KIAA1958: variants seen among roughly 807,000 people sequenced by gnomAD.
KIAA1958 encodes KIAA1958, also known as uncharacterized protein KIAA1958.
In KIAA1958, 14 loss-of-function variants were observed where a neutral mutation model predicts 47.2. The observed-to-expected ratio is 0.30, with a 90% CI of 0.20 to 0.46. KIAA1958 has a LOEUF of 0.46. Ranked by LOEUF, KIAA1958 falls within the 20% of genes least tolerant of loss-of-function variation. The pLI, the probability that KIAA1958 is intolerant of heterozygous loss-of-function variation, is 1.00. For missense variants in KIAA1958, 803 were observed against 909.2 expected (o/e 0.88, Z 1.50); for synonymous variants, 354 against 353.3 (o/e 1.00, Z -0.02).
chr9:112,509,160 T>TAAA (rs1474611852), intron 1 of KIAA1958, among the ~76,000 whole-genome samples: 1 of 151,742 alleles, frequency 6.6e-6, no homozygotes, highest in Non-Finnish European at 1.5e-5. Flanking sequence ...TTGAGACATT[T>TAAA]AAAATAAGCA....
intron 3 of KIAA1958, among the ~76,000 whole-genome samples, chr9:112,658,540 C>T (rs953671540): frequency 6.6e-6 from 1 of 152,160 alleles, no homozygotes; most frequent in African/African-American, 2.4e-5. Flanking sequence ...TATTTGCAGA[C>T]ACACATGTAT....
intron 2 of KIAA1958, among the ~76,000 whole-genome samples, chr9:112,611,390 A>G (rs1836324374): frequency 1.3e-5 from 2 of 152,184 alleles, no homozygotes; most frequent in African/African-American, 4.8e-5. Flanking sequence ...TTGGTTGGGT[A>G]CAATACAAAT....
At chr9:112,558,710 C>CT (rs1396082248) in intron 1 of KIAA1958, among the ~76,000 whole-genome samples, 1 of 152,166 alleles carries the variant, frequency 6.6e-6, no homozygotes, top group Non-Finnish European at 1.5e-5. Context: ...AATTATACCA[C>CT]TTTCAGCACT....
rs1837373538 is a variant in KIAA1958, at chr9:112,667,973, C to T, written c.*7904C>T. 1 of 122,874 alleles carries T rather than the reference C, an allele frequency of 8.1e-6. No homozygotes were observed. Among genetic ancestry groups the T allele is most frequent in the Admixed American group, 8.1e-5 (1 of 12,388 alleles). The allele number at this position is 122,874 out of a possible 1,614,324, so 7.6% of individuals were successfully genotyped here. A position where few individuals can be genotyped will look rare whatever the true frequency, so the allele number is the denominator to read the frequency against. The stretch of plus-strand genomic sequence containing the variant: ...GCTAGAAGCTACATATCTAAAAGCA[C>T]CCGAAGTCCTCATATGAATAGGCTA... On this transcript the variant is annotated 3_prime_UTR_variant, in exon 4 of 4. Transcript: ENST00000337530.
intron 1 of KIAA1958, among the ~76,000 whole-genome samples, chr9:112,570,397 G>T (rs1835511586): frequency 6.6e-6 from 1 of 152,166 alleles, no homozygotes; most frequent in African/African-American, 2.4e-5. Flanking sequence ...TGTGATCTTT[G>T]AAACACTTGC....
chr9:112,661,392 CAAT>C lies in KIAA1958; in HGVS notation c.*1327_*1329del, dbSNP rs1254756677. Reference sequence around the variant, plus strand: ...CTCAAAGAGTGCTCATTAAGAGTAACAATAATTTCTAGGGACCTTGACTTTGCA... The same window carrying C: ...CTCAAAGAGTGCTCATTAAGAGTAACAATTTCTAGGGACCTTGACTTTGCA... On this transcript the variant is annotated 3_prime_UTR_variant, in exon 4 of 4. Coordinates refer to ENST00000337530, the MANE Select transcript of KIAA1958 (RefSeq NM_133465.4). The C allele has an allele frequency of 6.6e-6, 1 of 152,132 alleles. No homozygotes were observed. Among genetic ancestry groups the C allele is most frequent in the Admixed American group, 6.6e-5 (1 of 15,264 alleles). 9.4% of individuals were successfully genotyped at this position (152,132 alleles called of 1,614,324 possible). A position where few individuals can be genotyped will look rare whatever the true frequency, so the allele number is the denominator to read the frequency against.
chr9:112,650,439 GA>G (rs1004961477), intron 3 of KIAA1958, among the ~76,000 whole-genome samples: 1 of 152,178 alleles, frequency 6.6e-6, no homozygotes, highest in Non-Finnish European at 1.5e-5. Flanking sequence ...GTGGATGAAT[GA>G]AAGGGTAGTG....
At chr9:112,550,166 GGC>G (rs775141174) in intron 1 of KIAA1958, among the ~76,000 whole-genome samples, 7 of 151,054 alleles carry the variant, frequency 4.6e-5, no homozygotes, top group African/African-American at 7.4e-5. Flanking sequence ...TCTTCTCTTT[GGC>G]TGTTTGGAGC....
At chr9:112,585,894 A>T (rs1325690970) in intron 2 of KIAA1958, among the ~76,000 whole-genome samples, 2 of 152,226 alleles carry the variant, frequency 1.3e-5, no homozygotes, top group East Asian at 3.8e-4. Context: ...CAGTTTGAAG[A>T]GTTTTGAAGC....
In KIAA1958 at chr9:112,654,147, CT is replaced by C. The variant is rs1157257592; in HGVS notation, c.1345-5114del. 2.0e-5 allele frequency among the ~76,000 whole-genome samples: 3 copies of C among 152,266 alleles called. No homozygotes were observed. In the East Asian group the frequency reaches 5.8e-4, roughly 29 times the overall value. ...TACTGTCAGAAGCAGATTGTGAAGA[CT>C]TGCACACAAAGTAAACAGTTTGGAA... is the stretch of plus-strand genomic sequence containing the variant. On this transcript the variant is annotated intron_variant, in intron 3 of 3. Transcript: ENST00000337530.
At position 112,574,923 on chromosome 9, in the gene KIAA1958, C is replaced by T. The variant is rs1281028232; in HGVS notation, c.843C>T (p.Val281=). 6.2e-7 allele frequency: 1 copy of T among 1,614,028 alleles called. No homozygotes were observed. The highest frequency in any genetic ancestry group is 8.5e-7 in the Non-Finnish European group (1 of 1,179,970). ...ASPSVISRPI[V]QKTARVSLAS... Reference sequence around the variant, plus strand: ...CCTCTGTGATCTCCAGACCAATTGTCCAGAAGACTGCTAGGGTATCTCTGG... The same window carrying T: ...CCTCTGTGATCTCCAGACCAATTGTTCAGAAGACTGCTAGGGTATCTCTGG... The change falls in exon 2 of 4, where the codon GTC becomes GTT. Residue 281 remains valine, a synonymous_variant. Coordinates refer to ENST00000337530, the MANE Select transcript of KIAA1958 (RefSeq NM_133465.4).
At chr9:112,653,672 G>A (rs904398395) in intron 3 of KIAA1958, among the ~76,000 whole-genome samples, 8 of 152,230 alleles carry the variant, frequency 5.3e-5, no homozygotes, top group African/African-American at 1.9e-4. Flanking sequence ...AGGCCAAGGC[G>A]GGCGGATCAC....
At chr9:112,590,030 G>C (rs1400591234) in intron 2 of KIAA1958, among the ~76,000 whole-genome samples, 1 of 152,148 alleles carries the variant, frequency 6.6e-6, no homozygotes, top group East Asian at 1.9e-4. Context: ...ACAGATGACT[G>C]GCTTCCACCT....
intron 2 of KIAA1958, among the ~76,000 whole-genome samples, chr9:112,588,592 A>G (rs1448160055): frequency 6.6e-6 from 1 of 152,240 alleles, no homozygotes; most frequent in Non-Finnish European, 1.5e-5. Flanking sequence ...AGTGTATCTT[A>G]GAATCAGTGA....
At chr9:112,493,461 G>T (rs775265554) in intron 1 of KIAA1958, among the ~76,000 whole-genome samples, 4 of 152,138 alleles carry the variant, frequency 2.6e-5, no homozygotes, top group Non-Finnish European at 2.9e-5. Context: ...AAATTTAGGA[G>T]TTATCTCTGA....
chr9:112,645,686 A>G lies in KIAA1958; in HGVS notation c.1208A>G (p.Asn403Ser), dbSNP rs1005841215. The change falls in exon 3 of 4, where the codon AAT (asparagine) becomes AGT (serine). Residue 403 changes from asparagine (N) to serine (S), a missense_variant. Physicochemically the swap from Asn to Ser is conservative, Grantham distance 46. This residue lies in a region of KIAA1958 where 761 missense variants were observed against 829.3 expected (regional missense o/e 0.92). Transcript: ENST00000337530. ...STKLNKFPVF[N>S]INDDLNDLCT... ...AAGCTCAACAAATTTCCTGTATTTA[A>G]TATTAATGATGACTTGAATGATCTG... 1.1e-5 allele frequency: 18 copies of G among 1,611,502 alleles called. No homozygotes were observed. Among genetic ancestry groups the G allele is most frequent in the Non-Finnish European group, 1.5e-5 (18 of 1,178,766 alleles).
rs981550179 is a variant in KIAA1958 at position 112,660,969 on chromosome 9, A to G, written c.*900A>G. On this transcript the variant is annotated 3_prime_UTR_variant, in exon 4 of 4. Coordinates refer to ENST00000337530, the MANE Select transcript of KIAA1958 (RefSeq NM_133465.4). ...TTCTGTCTGTTCTTCGTGTCATCCC[A>G]TTATTCGGTCAGCATATACCACTGG... 4.6e-5 allele frequency: 7 copies of G among 152,204 alleles called. No homozygotes were observed. Among genetic ancestry groups the G allele is most frequent in the African/African-American group, 1.4e-4 (6 of 41,438 alleles). 9.4% of individuals were successfully genotyped at this position (152,204 alleles called of 1,614,324 possible). A position where few individuals can be genotyped will look rare whatever the true frequency, so the allele number is the denominator to read the frequency against.
At chr9:112,544,994 G>A (rs1835003864) in intron 1 of KIAA1958, among the ~76,000 whole-genome samples, 1 of 151,904 alleles carries the variant, frequency 6.6e-6, no homozygotes, top group Admixed American at 6.6e-5. Context: ...GAGTGCCCCA[G>A]CGATCAAAAA....
At chr9:112,600,808 A>G (rs1354182230) in intron 2 of KIAA1958, among the ~76,000 whole-genome samples, 1 of 152,184 alleles carries the variant, frequency 6.6e-6, no homozygotes, top group African/African-American at 2.4e-5. Context: ...GTTGGAACAC[A>G]TTTTCTAAGC....
Sources: allele counts gnomAD v4.1 joint callset (sites outside exome capture counted in the v4.1 genomes callset), GRCh38; gene constraint gnomAD v4.1.1; regional missense constraint gnomAD v4.1.1; transcripts MANE v1.5; gene names NCBI Gene and HGNC (gene_info 2026-07-23, HGNC 2026-07-21).